Variants in ZNF536 observed in about 807,000 individuals in gnomAD.
ZNF536 encodes the protein zinc finger protein 536.
Under a neutral mutation model 84.5 loss-of-function variants are expected in ZNF536, and 13 were observed. The ratio of observed to expected loss-of-function variants is 0.15; its 90% confidence interval spans 0.10 to 0.24. The LOEUF (loss-of-function observed/expected upper bound fraction) is 0.24. ZNF536 is among the 10% of genes least tolerant of loss of function. The probability of loss-of-function intolerance (pLI) is 1.00; values close to 1 mark genes in which losing one functional copy is unlikely to be tolerated. For synonymous variants in ZNF536, 811 were observed against 742.5 expected, an observed-to-expected ratio of 1.09 and a Z score of -1.50; for missense variants, 1,536 against 1,747.5, an observed-to-expected ratio of 0.88 and a Z score of 2.16.
chr19:30,533,709 A>G (rs1035419966), intron 2 of ZNF536, among the ~76,000 whole-genome samples: 4 of 152,224 alleles, frequency 2.6e-5, no homozygotes, highest in Admixed American at 1.3e-4. Context: ...AGATCTCATT[A>G]TCCCAGAAGG....
At chr19:30,622,920 T>C (rs2048534256) in intron 1 of ZNF536, among the ~76,000 whole-genome samples, 1 of 151,092 alleles carries the variant, frequency 6.6e-6, no homozygotes, top group East Asian at 1.9e-4. Context: ...CTGCCCCATC[T>C]TGGACCCAGA....
At chr19:30,398,954 A>G (rs2147466928) in intron 1 of ZNF536, among the ~76,000 whole-genome samples, 1 of 152,318 alleles carries the variant, frequency 6.6e-6, no homozygotes, top group East Asian at 1.9e-4. Flanking sequence ...GCTGGGTCAA[A>G]TGGGATTTCT....
intron 2 of ZNF536, among the ~76,000 whole-genome samples, chr19:30,290,036 C>T (rs1009875898): frequency 3.9e-5 from 6 of 152,196 alleles, no homozygotes; most frequent in African/African-American, 1.2e-4. Flanking sequence ...ATTCTCCCTA[C>T]CCATTCCAGG....
intron 1 of ZNF536, among the ~76,000 whole-genome samples, chr19:30,243,597 G>A (rs1034274866): frequency 2.0e-5 from 3 of 152,096 alleles, no homozygotes; most frequent in South Asian, 2.1e-4. Flanking sequence ...AAATGATAAC[G>A]CTAATGAAAA....
chr19:30,412,852 A>G (rs992079421), intron 1 of ZNF536, among the ~76,000 whole-genome samples: 1 of 152,050 alleles, frequency 6.6e-6, no homozygotes, highest in Admixed American at 6.5e-5. Context: ...TATGAACATA[A>G]AAGTGATGAG....
chr19:30,607,242 T>A (rs2146997453), intron 1 of ZNF536, among the ~76,000 whole-genome samples: 1 of 152,354 alleles, frequency 6.6e-6, no homozygotes, highest in East Asian at 1.9e-4. Context: ...TGCTTTCAAA[T>A]GTTTTTTTAA....
intron 1 of ZNF536, among the ~76,000 whole-genome samples, chr19:30,678,108 G>C (rs988920981): frequency 1.3e-5 from 2 of 152,008 alleles, no homozygotes; most frequent in Non-Finnish European, 2.9e-5. Context: ...GACTGCAAAG[G>C]GTCCATGAAA....
At chr19:30,380,246 C>T (rs906627436) in intron 1 of ZNF536, among the ~76,000 whole-genome samples, 2 of 152,208 alleles carry the variant, frequency 1.3e-5, no homozygotes, top group South Asian at 2.1e-4. Flanking sequence ...CCCAATTAGA[C>T]AATTGCACCC....
chr19:30,407,102 A>T (rs2050290442), intron 1 of ZNF536, among the ~76,000 whole-genome samples: 2 of 152,256 alleles, frequency 1.3e-5, no homozygotes, highest in South Asian at 4.2e-4. Flanking sequence ...GGCTGGATAA[A>T]GGATCACCGG....
At chr19:30,648,523 C>G (rs2049565905) in intron 1 of ZNF536, among the ~76,000 whole-genome samples, 1 of 152,186 alleles carries the variant, frequency 6.6e-6, no homozygotes, top group African/African-American at 2.4e-5. Flanking sequence ...CAGCTACTGG[C>G]CTTCTGCAGG....
intron 1 of ZNF536, among the ~76,000 whole-genome samples, chr19:30,403,174 G>C (rs1470204174): frequency 6.6e-6 from 1 of 152,134 alleles, no homozygotes; most frequent in Non-Finnish European, 1.5e-5. Context: ...GTTAGTCCCA[G>C]CCTCCAAAGC....
intron 2 of ZNF536, among the ~76,000 whole-genome samples, chr19:30,449,316 G>A (rs978800129): frequency 1.3e-5 from 2 of 152,176 alleles, no homozygotes; most frequent in African/African-American, 4.8e-5. Flanking sequence ...TTAGAAAGCG[G>A]GGTGGCTGTT....
Position 30,548,148 on chromosome 19 carries a change from G to T in ZNF536, c.2529G>T (p.Lys843Asn), listed in dbSNP as rs2146186190. Reference sequence around the variant, plus strand: ...CAGACATCCTGAGGGGGGCCTTCAAGGGTCTCCCTGGAATCGACTTCAGAG... The same window carrying T: ...CAGACATCCTGAGGGGGGCCTTCAATGGTCTCCCTGGAATCGACTTCAGAG... ...IRPDILRGAF[K>N]GLPGIDFRGG... Residue 843 changes from lysine to asparagine, a missense_variant, in exon 4 of 5, where the codon AAG becomes AAT. Lys to Asn is a moderately conservative substitution (Grantham distance 94, BLOSUM62 0). Coordinates refer to ENST00000355537, the MANE Select transcript of ZNF536 (RefSeq NM_014717.3). 1 of 1,614,050 alleles carries T rather than the reference G, an allele frequency of 6.2e-7. No homozygotes were observed. Among genetic ancestry groups the T allele is most frequent in the East Asian group, 2.2e-5 (1 of 44,874 alleles).
At chr19:30,233,929 C>G (rs1694496323) in intron 1 of ZNF536, among the ~76,000 whole-genome samples, 1 of 152,200 alleles carries the variant, frequency 6.6e-6, no homozygotes, top group Non-Finnish European at 1.5e-5. Flanking sequence ...ATTCTCAAAG[C>G]TCATCCACCA....
intron 2 of ZNF536, among the ~76,000 whole-genome samples, chr19:30,511,835 T>C (rs1316161822): frequency 2.6e-5 from 4 of 152,202 alleles, no homozygotes; most frequent in African/African-American, 7.2e-5. Flanking sequence ...AACTTGTGTC[T>C]AGTTGAGACA....
intron 1 of ZNF536, among the ~76,000 whole-genome samples, chr19:30,583,686 C>T (rs2047000253): frequency 1.3e-5 from 2 of 152,144 alleles, no homozygotes; most frequent in East Asian, 1.9e-4. Context: ...CTGTAGTCCT[C>T]ATGAGGGCAG....
At chr19:30,425,911 C>T (rs1188746169) in intron 1 of ZNF536, among the ~76,000 whole-genome samples, 2 of 152,190 alleles carry the variant, frequency 1.3e-5, no homozygotes, top group South Asian at 2.1e-4. Flanking sequence ...CTGTAGTTGG[C>T]TGTGGAGTCT....
chr19:30,348,582 G>T (rs985074477), intron 2 of ZNF536, among the ~76,000 whole-genome samples: 4 of 152,168 alleles, frequency 2.6e-5, no homozygotes, highest in African/African-American at 9.7e-5. Context: ...AGGACTGGCA[G>T]AATCCTCCAT....
intron 1 of ZNF536, among the ~76,000 whole-genome samples, chr19:30,586,515 T>TTTCC (rs1305215000): frequency 6.6e-6 from 1 of 151,580 alleles, no homozygotes; most frequent in Non-Finnish European, 1.5e-5. Flanking sequence ...AGCCATGGAG[T>TTTCC]TTCCTTCCTT....
Sources: gnomAD v4.1 joint callset for allele counts (sites outside exome capture counted in the v4.1 genomes callset) on GRCh38, gnomAD v4.1.1 for gene constraint, MANE v1.5 for transcripts, NCBI Gene and HGNC (gene_info 2026-07-23, HGNC 2026-07-21) for gene names.